The following DPP4 variants were observed in gnomAD, a reference collection of about 807,000 sequenced individuals.
DPP4 encodes the protein ADCP-2.
In DPP4, 93 loss-of-function variants were observed where a neutral mutation model predicts 122.4. That is an observed-to-expected ratio of 0.76 (90% CI 0.64 to 0.90). The LOEUF (loss-of-function observed/expected upper bound fraction) is 0.90. Ranked by LOEUF, DPP4 falls within the 40% of genes least tolerant of loss-of-function variation. The pLI is 0.00. For synonymous variants in DPP4, 321 were observed against 302.9 expected, an observed-to-expected ratio of 1.06 and a Z score of -0.62; for missense variants, 914 against 907.3, an observed-to-expected ratio of 1.01 and a Z score of -0.09.
intron 10 of DPP4, among the ~76,000 whole-genome samples, chr2:162,028,901 A>G (rs1217666752): frequency 6.6e-6 from 1 of 152,182 alleles, no homozygotes; most frequent in African/African-American, 2.4e-5. Flanking sequence ...GCCGGGATTC[A>G]ATTCAAGCTG....
intron 22 of DPP4, 47 bp from the exon 23 acceptor site, chr2:162,005,856 A>T: frequency 1.3e-6 from 2 of 1,521,796 alleles, no homozygotes; most frequent in Admixed American, 1.8e-5. Flanking sequence ...ATACAATAAC[A>T]ACTTTTCTTG....
chr2:162,022,199 A>C (rs1683157070), intron 12 of DPP4, among the ~76,000 whole-genome samples: 1 of 152,186 alleles, frequency 6.6e-6, no homozygotes. Context: ...AGTGGGACTG[A>C]GAAGCATGAC....
intron 16 of DPP4, chr2:162,017,590 C>G (rs561433883): frequency 1.5e-4 from 24 of 159,914 alleles, no homozygotes; most frequent in East Asian, 1.1e-3. Context: ...AGATCTCCCC[C>G]CGCTGCCCCC....
chr2:162,045,546 A>G lies in DPP4; in HGVS notation c.352T>C (p.Tyr118His). 6.2e-7 allele frequency: 1 copy of G among 1,609,386 alleles called. No individual in the cohort carries two copies. The highest frequency in any genetic ancestry group is 8.5e-7 in the Non-Finnish European group (1 of 1,175,862). The part of the protein sequence containing the change: ...SPDGQFILLE[Y>H]NYVKQWRHSY... Reference sequence around the variant, plus strand: ...ATTTATTTTACCTTCACGTAGTTGTATTCTAAGAGAATAAACTGCCCATCA... The same window carrying G: ...ATTTATTTTACCTTCACGTAGTTGTGTTCTAAGAGAATAAACTGCCCATCA... Residue 118 changes from tyrosine to histidine, a missense_variant, in exon 5 of 26, where the codon TAC (tyrosine) becomes CAC (histidine). Physicochemically the swap from Tyr to His is moderately conservative, Grantham distance 83. Transcript: ENST00000360534.
At chr2:162,062,914 G>A (rs752272658) in intron 2 of DPP4, among the ~76,000 whole-genome samples, 6 of 151,922 alleles carry the variant, frequency 3.9e-5, no homozygotes, top group Non-Finnish European at 8.8e-5. Flanking sequence ...AGGGTTCTTG[G>A]GGGTCACCTT....
chr2:161,995,636 A>AGGG (rs1700981955), intron 23 of DPP4, among the ~76,000 whole-genome samples: 1 of 152,130 alleles, frequency 6.6e-6, no homozygotes, highest in African/African-American at 2.4e-5. Context: ...CCTGCATGCA[A>AGGG]AACCCCTTGA....
chr2:162,053,481 T>C (rs558871028), intron 2 of DPP4, among the ~76,000 whole-genome samples: 74 of 152,022 alleles, frequency 4.9e-4, no homozygotes, highest in African/African-American at 1.7e-3. Context: ...TACAAATTTG[T>C]GTTGGGCTGC....
intron 8 of DPP4, among the ~76,000 whole-genome samples, chr2:162,036,466 T>C (rs1158664179): frequency 6.6e-6 from 1 of 152,192 alleles, no homozygotes; most frequent in African/African-American, 2.4e-5. Context: ...ACCCATTGTA[T>C]TGATAAAGTG....
chr2:162,068,752 T>A (rs1176623525), intron 2 of DPP4, among the ~76,000 whole-genome samples: 3 of 152,134 alleles, frequency 2.0e-5, no homozygotes, highest in Non-Finnish European at 4.4e-5. Flanking sequence ...AACAGAACCA[T>A]TCAAAAGCTT....
At chr2:162,039,275 T>C in intron 5 of DPP4, 91 bp from the exon 6 acceptor site, 1 of 1,041,690 alleles carries the variant, frequency 9.6e-7, no homozygotes, top group East Asian at 2.4e-5. Context: ...TTTGGTAATA[T>C]ATGATTGTAT....
intron 2 of DPP4, among the ~76,000 whole-genome samples, chr2:162,065,561 G>A (rs747199060): frequency 1.6e-4 from 24 of 152,192 alleles, no homozygotes; most frequent in Non-Finnish European, 3.5e-4. Context: ...CAGGTATTGG[G>A]TTCCTTGAAG....
intron 2 of DPP4, among the ~76,000 whole-genome samples, chr2:162,050,723 G>A (rs1347766331): frequency 6.6e-6 from 1 of 152,188 alleles, no homozygotes; most frequent in Admixed American, 6.5e-5. Context: ...ATTGGAAGAC[G>A]GTTTTGAAAC....
At position 162,047,102 on chromosome 2, in the gene DPP4, C is replaced by A. The variant is rs77684143; in HGVS notation, c.194-96G>T. The A allele has an allele frequency of 4.6e-3, 3,008 of 659,774 alleles. 72 individuals carry two copies. The African/African-American group carries it at 0.049, about 11-fold the overall frequency. 40.9% of individuals were successfully genotyped at this position (659,774 alleles called of 1,614,324 possible). A position where few individuals can be genotyped will look rare whatever the true frequency, so the allele number is the denominator to read the frequency against. ...GAATACAGTTTAAGCTCACAAATAC[C>A]AAATAGGCATTTCTAAGTTGAGAAA... On this transcript the variant is annotated intron_variant, in intron 3 of 25. Transcript: ENST00000360534.
chr2:162,044,896 C>T (rs1347394565), intron 5 of DPP4, among the ~76,000 whole-genome samples: 1 of 151,932 alleles, frequency 6.6e-6, no homozygotes, highest in Admixed American at 6.6e-5. Context: ...ATGGTCTGGG[C>T]CATCTTGCGG....
chr2:162,017,591 C>T (rs937161441), intron 16 of DPP4: 4 of 159,418 alleles, frequency 2.5e-5, no homozygotes, highest in Non-Finnish European at 5.5e-5. Flanking sequence ...GATCTCCCCC[C>T]GCTGCCCCCA....
intron 2 of DPP4, among the ~76,000 whole-genome samples, chr2:162,056,319 C>G (rs181447187): frequency 6.6e-6 from 1 of 152,102 alleles, no homozygotes; most frequent in Non-Finnish European, 1.5e-5. Flanking sequence ...TAGAACAGTG[C>G]CTGGTATACA....
intron 2 of DPP4, among the ~76,000 whole-genome samples, chr2:162,056,811 T>C (rs1368502372): frequency 6.6e-6 from 1 of 152,082 alleles, no homozygotes; most frequent in Non-Finnish European, 1.5e-5. Context: ...ATTCCAGAGG[T>C]CAGAAGATTT....
In DPP4 at chr2:162,020,242, T is replaced by C; in HGVS notation, c.1231A>G (p.Thr411Ala). The change falls in exon 14 of 26, where the codon ACC (threonine) becomes GCC (alanine). Residue 411 changes from threonine to alanine, a missense_variant. By Grantham distance (58) the Thr-to-Ala change is moderately conservative. Transcript: ENST00000360534. ...TACAATACTCACAGATAATCACTGG[T>C]TAGAGCTTCTATCCCGATGACTTCC... Reference protein sequence around the residue: ...TWEVIGIEALTSDYLYYISNE... With the variant: ...TWEVIGIEALASDYLYYISNE... 1 of 1,612,284 alleles carries C rather than the reference T, an allele frequency of 6.2e-7. No individual in the cohort carries two copies. Among genetic ancestry groups the C allele is most frequent in the South Asian group, 1.1e-5 (1 of 90,850 alleles).
chr2:162,010,604 G>T (rs11695645), intron 20 of DPP4, among the ~76,000 whole-genome samples: 130 of 152,142 alleles, frequency 8.5e-4, no homozygotes, highest in Non-Finnish European at 1.5e-3. Context: ...TTGTTGGTCA[G>T]ATTTGAGAGA....
Sources: allele counts gnomAD v4.1 joint callset (sites outside exome capture counted in the v4.1 genomes callset), GRCh38; gene constraint gnomAD v4.1.1; transcripts MANE v1.5; gene names NCBI Gene and HGNC (gene_info 2026-07-23, HGNC 2026-07-21).